OSBPL11: variants seen among roughly 807,000 people sequenced by gnomAD.
The protein encoded by OSBPL11 is oxysterol-binding protein-related protein 11.
Under a neutral mutation model 84.4 loss-of-function variants are expected in OSBPL11, and 33 were observed. That is an observed-to-expected ratio of 0.39 (90% confidence interval 0.30 to 0.52). The LOEUF (loss-of-function observed/expected upper bound fraction) is 0.52. Among genes scored for constraint, OSBPL11 ranks in the 20% least tolerant of loss-of-function variants. The pLI is 0.72. For missense variants in OSBPL11, 736 were observed against 901.1 expected (o/e 0.82, Z 2.35); for synonymous variants, 276 against 310.2 (o/e 0.89, Z 1.16).
rs201858368 is a variant in OSBPL11 at position 125,540,328 on chromosome 3, C to CAAAAAAA, written c.1842-1702_1842-1696dup. On this transcript the variant is annotated intron_variant, in intron 10 of 12. Transcript: ENST00000296220. ...TGGGCGACAGAGGATGGCTCTGTCT[C>CAAAAAAA]AAAAAAAAAAAAAAAAAAAAAAAAA... Among the ~76,000 whole-genome samples the CAAAAAAA allele has an allele frequency of 8.5e-3, 727 of 85,236 alleles. 78 individuals are homozygous for CAAAAAAA. The highest frequency in any genetic ancestry group is 0.01 in the African/African-American group (195 of 18,864). The allele number at this position is 85,236 out of a possible 152,430, so 55.9% of individuals were successfully genotyped here. A position where few individuals can be genotyped will look rare whatever the true frequency, so the allele number is the denominator to read the frequency against.
At chr3:125,557,653 T>C (rs1433307425) in intron 8 of OSBPL11, among the ~76,000 whole-genome samples, 2 of 151,866 alleles carry the variant, frequency 1.3e-5, no homozygotes, top group East Asian at 1.9e-4. Context: ...GTTGGAATTA[T>C]AGGTGTGAGC....
chr3:125,553,350 G>A (rs1349305027), intron 8 of OSBPL11, among the ~76,000 whole-genome samples: 2 of 152,140 alleles, frequency 1.3e-5, no homozygotes, highest in Non-Finnish European at 2.9e-5. Context: ...GTCAATAAAT[G>A]TCATTCCCTG....
intron 7 of OSBPL11, among the ~76,000 whole-genome samples, chr3:125,563,318 A>G (rs1936105048): frequency 6.6e-6 from 1 of 152,192 alleles, no homozygotes; most frequent in African/African-American, 2.4e-5. Context: ...AAAAGACTCA[A>G]CTTTTAAGAT....
At chr3:125,537,269 A>C (rs1298858863) in intron 11 of OSBPL11, among the ~76,000 whole-genome samples, 1 of 152,132 alleles carries the variant, frequency 6.6e-6, no homozygotes, top group African/African-American at 2.4e-5. Flanking sequence ...ATGCGAGTAC[A>C]TGGCAGTGAA....
chr3:125,543,920 T>A (rs1393155500), intron 10 of OSBPL11, among the ~76,000 whole-genome samples: 1 of 151,984 alleles, frequency 6.6e-6, no homozygotes, highest in Non-Finnish European at 1.5e-5. Flanking sequence ...ATAAAAAAAA[T>A]AAAAATAACC....
chr3:125,560,604 A>G, intron 7 of OSBPL11, 85 bp from the exon 8 acceptor site: 1 of 1,227,164 alleles, frequency 8.1e-7, no homozygotes, highest in Admixed American at 2.8e-5. Flanking sequence ...TCAGACTTGA[A>G]GACATTTGTA....
At chr3:125,593,172 T>C (rs1355265734) in intron 1 of OSBPL11, among the ~76,000 whole-genome samples, 3 of 152,090 alleles carry the variant, frequency 2.0e-5, no homozygotes, top group African/African-American at 7.2e-5. Context: ...CACAGCCCCA[T>C]AGCAGGTCAG....
intron 7 of OSBPL11, among the ~76,000 whole-genome samples, 189 bp downstream of exon 7, chr3:125,563,509 T>C (rs969781402): frequency 6.6e-6 from 1 of 152,180 alleles, no homozygotes; most frequent in Non-Finnish European, 1.5e-5. Flanking sequence ...TAATTTAACC[T>C]GGAAAATTCA....
Position 125,592,817 on chromosome 3 carries a change from T to C in OSBPL11, c.164+1820A>G, listed in dbSNP as rs150651946. ...AATGTATAAAAAACACATATGTAGATGTTTCACAAAAGAAAAAAAAATGAT... is the reference window on the plus strand; with the variant it reads ...AATGTATAAAAAACACATATGTAGACGTTTCACAAAAGAAAAAAAAATGAT... On this transcript the variant is annotated intron_variant, in intron 1 of 12. Transcript: ENST00000296220. 6.1e-3 allele frequency among the ~76,000 whole-genome samples: 930 copies of C among 151,936 alleles called. 12 individuals are homozygous for C. The highest frequency in any genetic ancestry group is 0.021 in the African/African-American group (874 of 41,382).
At chr3:125,542,632 C>T (rs928670633) in intron 10 of OSBPL11, among the ~76,000 whole-genome samples, 5 of 151,998 alleles carry the variant, frequency 3.3e-5, no homozygotes, top group Admixed American at 6.6e-5. Flanking sequence ...CCTCAGCTTC[C>T]CGAGTAGCTG....
intron 1 of OSBPL11, among the ~76,000 whole-genome samples, chr3:125,592,135 A>T (rs1438363070): frequency 1.3e-5 from 2 of 152,180 alleles, no homozygotes; most frequent in Non-Finnish European, 2.9e-5. Context: ...ATCACAGCTC[A>T]CTGGAGCCTA....
rs367928865 is a variant in OSBPL11 at position 125,533,695 on chromosome 3, A to G, written c.2025-1681T>C. Among the ~76,000 whole-genome samples the G allele has an allele frequency of 3.9e-5, 6 of 152,248 alleles. No homozygotes were observed. The East Asian group carries it at 9.6e-4, about 24-fold the overall frequency. On this transcript the variant is annotated intron_variant, in intron 11 of 12. Transcript: ENST00000296220. ...TAACCAAAGACATTAAAACAAAAAC[A>G]GAAACATCAAGACATAACAATCCTA...
intron 9 of OSBPL11, 49 bp from the exon 10 acceptor site, chr3:125,547,641 T>TAACGA: frequency 1.5e-6 from 2 of 1,371,918 alleles, no homozygotes; most frequent in Non-Finnish European, 2.0e-6. Context: ...AAGAAACAGC[T>TAACGA]AATGAAACAA....
In OSBPL11 at chr3:125,529,017, G is replaced by C. The variant is rs570710793; in HGVS notation, c.*1498C>G. On this transcript the variant is annotated 3_prime_UTR_variant, in exon 13 of 13. Coordinates refer to ENST00000296220, the MANE Select transcript of OSBPL11 (RefSeq NM_022776.5). Reference sequence around the variant, plus strand: ...CTCTTTTTCTTATAATTTACAATTTGTTGAAAAAATTATTGTTTTGCTGTT... The same window carrying C: ...CTCTTTTTCTTATAATTTACAATTTCTTGAAAAAATTATTGTTTTGCTGTT... The C allele has an allele frequency of 1.3e-5, 2 of 152,618 alleles. No homozygotes were observed. The highest frequency in any genetic ancestry group is 3.9e-4 in the East Asian group (2 of 5,186). 9.5% of individuals were successfully genotyped at this position (152,618 alleles called of 1,614,324 possible). A position where few individuals can be genotyped will look rare whatever the true frequency, so the allele number is the denominator to read the frequency against.
At chr3:125,593,813 G>C (rs1936638280) in intron 1 of OSBPL11, among the ~76,000 whole-genome samples, 1 of 152,060 alleles carries the variant, frequency 6.6e-6, no homozygotes, top group South Asian at 2.1e-4. Flanking sequence ...ACTACAGTTA[G>C]GCACATAGGA....
intron 5 of OSBPL11, among the ~76,000 whole-genome samples, chr3:125,574,509 A>G (rs1185004073): frequency 6.8e-6 from 1 of 147,430 alleles, no homozygotes; most frequent in African/African-American, 2.5e-5. Flanking sequence ...CCTGTGGACT[A>G]CTATTCAGAT....
chr3:125,532,658 CAACTG>C (rs1173899845), intron 11 of OSBPL11, among the ~76,000 whole-genome samples: 1 of 149,554 alleles, frequency 6.7e-6, no homozygotes, highest in African/African-American at 2.5e-5. Flanking sequence ...GGTGCTGGGA[CAACTG>C]GATATACATG....
intron 9 of OSBPL11, 131 bp from the exon 10 acceptor site, chr3:125,547,723 G>C (rs2107593084): frequency 1.5e-6 from 1 of 661,078 alleles, no homozygotes; most frequent in South Asian, 2.3e-5. Context: ...AACTTTCAAT[G>C]AAACTGACTT....
At chr3:125,593,042 T>C (rs1031846686) in intron 1 of OSBPL11, among the ~76,000 whole-genome samples, 4 of 152,128 alleles carry the variant, frequency 2.6e-5, no homozygotes, top group Non-Finnish European at 5.9e-5. Flanking sequence ...CTGCAAACAA[T>C]ATCATCAAGA....
Sources: gnomAD v4.1 joint callset for allele counts (sites outside exome capture counted in the v4.1 genomes callset) on GRCh38, gnomAD v4.1.1 for gene constraint, MANE v1.5 for transcripts, NCBI Gene and HGNC (gene_info 2026-07-23, HGNC 2026-07-21) for gene names.